The following RBFOX1 variants were observed in gnomAD, a reference collection of about 807,000 sequenced individuals.
The protein encoded by RBFOX1 is RNA binding protein fox-1 homolog 1.
RBFOX1 carries 8 observed loss-of-function variants against 57.7 expected under a neutral mutation model. That is an observed-to-expected ratio of 0.14 (90% CI 0.08 to 0.25). The LOEUF is 0.25. RBFOX1 is among the 10% of genes least tolerant of loss of function. RBFOX1 has a pLI of 1.00. For missense variants in RBFOX1, 611 were observed against 548.5 expected, an observed-to-expected ratio of 1.11 and a Z score of -1.14; for synonymous variants, 326 against 222.4, an observed-to-expected ratio of 1.47 and a Z score of -4.15.
chr16:7,666,649 CGA>C (rs1228251128), intron 13 of RBFOX1, among the ~76,000 whole-genome samples: 1 of 151,978 alleles, frequency 6.6e-6, no homozygotes, highest in East Asian at 1.9e-4. Context: ...TAAGTGAGTG[CGA>C]GTGTGTGTCT....
At chr16:7,424,500 T>C (rs1226466082) in intron 4 of RBFOX1, among the ~76,000 whole-genome samples, 3 of 152,170 alleles carry the variant, frequency 2.0e-5, no homozygotes, top group Admixed American at 2.0e-4. Flanking sequence ...CCTCATGTGA[T>C]CCACCCACCT....
chr16:5,773,525 C>T (rs1049623719), intron 3 of RBFOX1, among the ~76,000 whole-genome samples: 6 of 152,140 alleles, frequency 3.9e-5, no homozygotes, highest in Non-Finnish European at 7.4e-5. Flanking sequence ...ACTGCAGTTG[C>T]TATATTAGTT....
At chr16:6,539,424 A>G (rs144563905) in intron 2 of RBFOX1, among the ~76,000 whole-genome samples, 15 of 152,266 alleles carry the variant, frequency 9.9e-5, no homozygotes, top group African/African-American at 3.4e-4. Context: ...CTGTTATTGT[A>G]TTATTATCAT....
chr16:5,981,589 C>G (rs765360784), intron 4 of RBFOX1, among the ~76,000 whole-genome samples: 9 of 152,130 alleles, frequency 5.9e-5, no homozygotes, highest in Non-Finnish European at 8.8e-5. Context: ...CTGCTTCAGC[C>G]TCATGAGTAG....
intron 15 of RBFOX1, 124 bp from the exon 16 acceptor site, chr16:7,710,499 G>T (rs999270794): frequency 6.4e-7 from 1 of 1,558,756 alleles, no homozygotes. Context: ...GACCTGGGAT[G>T]GGTAGGGGGT....
At position 7,447,984 on chromosome 16, in the gene RBFOX1, A is replaced by T. The variant is rs540158651; in HGVS notation, c.28-70163A>T. On this transcript the variant is annotated intron_variant, in intron 4 of 15. Coordinates refer to ENST00000550418, the MANE Select transcript of RBFOX1 (RefSeq NM_018723.4). The stretch of plus-strand genomic sequence containing the variant: ...CTGAATCAGGATCTCTGGGGTTGGG[A>T]TGTAGGGATTTCCACTCTTTAGAAA... 8.5e-5 allele frequency among the ~76,000 whole-genome samples: 13 copies of T among 152,266 alleles called. No homozygotes were observed. The East Asian group carries it at 2.3e-3, about 27-fold the overall frequency.
intron 2 of RBFOX1, among the ~76,000 whole-genome samples, chr16:6,603,032 G>C (rs1042375217): frequency 1.3e-5 from 2 of 152,142 alleles, no homozygotes; most frequent in East Asian, 1.9e-4. Flanking sequence ...ATTTATTTCA[G>C]TAAGTATTTA....
At chr16:5,283,941 G>A (rs1208626069) in intron 1 of RBFOX1, among the ~76,000 whole-genome samples, 1 of 152,078 alleles carries the variant, frequency 6.6e-6, no homozygotes, top group Non-Finnish European at 1.5e-5. Context: ...AGAATGATAT[G>A]GTTTGGCTGT....
At position 5,553,762 on chromosome 16, in the gene RBFOX1, T is replaced by C. The variant is rs559686143; in HGVS notation, c.259-45140T>C. ...ATATGTGTGTATTTATGTATATACA[T>C]GTGAAACCTCATACCACAATATTGA... On this transcript the variant is annotated intron_variant, in intron 2 of 2. Coordinates refer to the RBFOX1 transcript ENST00000585867. Among the ~76,000 whole-genome samples, 16 of 151,634 alleles carry C rather than the reference T, an allele frequency of 1.1e-4. No individual in the cohort carries two copies. The South Asian group carries it at 3.1e-3, about 30-fold the overall frequency.
intron 1 of RBFOX1, chr16:5,366,780 G>A (rs1424224679): frequency 7.2e-6 from 2 of 276,288 alleles, no homozygotes; most frequent in Non-Finnish European, 7.0e-6. Flanking sequence ...GTAATGCAGA[G>A]TGATAAATTT....
chr16:7,358,418 T>C (rs2097258432), intron 4 of RBFOX1, among the ~76,000 whole-genome samples: 1 of 152,032 alleles, frequency 6.6e-6, no homozygotes, highest in South Asian at 2.1e-4. Context: ...GTTTTTTGTT[T>C]TTTGTTTTTT....
intron 3 of RBFOX1, among the ~76,000 whole-genome samples, chr16:6,932,958 C>G (rs1463722526): frequency 6.6e-6 from 1 of 152,196 alleles, no homozygotes; most frequent in South Asian, 2.1e-4. Context: ...ATGAACTTGA[C>G]TGCTCTAGTA....
In RBFOX1 at chr16:6,921,641, A is replaced by T. The variant is rs200460860; in HGVS notation, c.-15-130416A>T. On this transcript the variant is annotated intron_variant, in intron 3 of 15. Coordinates refer to ENST00000550418, the MANE Select transcript of RBFOX1 (RefSeq NM_018723.4). ...TAAATTACTGTATATATATATATAT[A>T]TATATTTTTTTTTTTCTTAGGGTTG... Among the ~76,000 whole-genome samples the T allele has an allele frequency of 3.3e-3, 294 of 88,770 alleles. 1 individual carries two copies. In the South Asian group the frequency reaches 0.036, roughly 11 times the overall value. The allele number at this position is 88,770 out of a possible 152,430, so 58.2% of individuals were successfully genotyped here. A position where few individuals can be genotyped will look rare whatever the true frequency, so the allele number is the denominator to read the frequency against.
At chr16:5,304,316 A>T (rs1173617827) in intron 1 of RBFOX1, among the ~76,000 whole-genome samples, 1 of 152,234 alleles carries the variant, frequency 6.6e-6, no homozygotes, top group African/African-American at 2.4e-5. Context: ...ACATTAAATC[A>T]GGAGGCTCCT....
intron 1 of RBFOX1, among the ~76,000 whole-genome samples, chr16:5,407,478 C>T (rs924139717): frequency 9.9e-5 from 15 of 152,092 alleles, no homozygotes; most frequent in East Asian, 3.9e-4. Context: ...GGCTTGTGGA[C>T]GGAGTGTGGA....
chr16:6,152,368 T>A (rs2096803730), intron 1 of RBFOX1, among the ~76,000 whole-genome samples: 1 of 152,136 alleles, frequency 6.6e-6, no homozygotes, highest in Non-Finnish European at 1.5e-5. Context: ...GCTGTTTGCT[T>A]CATCCAAATA....
At chr16:5,364,973 G>A (rs987311589) in intron 1 of RBFOX1, among the ~76,000 whole-genome samples, 7 of 152,168 alleles carry the variant, frequency 4.6e-5, no homozygotes, top group East Asian at 3.9e-4. Context: ...GCCTTGTCTC[G>A]GTTGCAGTGG....
rs191657412 is a variant in RBFOX1 at position 7,456,720 on chromosome 16, G to A, written c.28-61427G>A. On this transcript the variant is annotated intron_variant, in intron 4 of 15. Transcript: ENST00000550418. ...ACCTTCCTGAGCTTGATGGGTGCCC[G>A]TAGAATCGCCACCTATGGCTGTGCT... is the stretch of plus-strand genomic sequence containing the variant. Among the ~76,000 whole-genome samples the A allele has an allele frequency of 1.4e-4, 21 of 152,150 alleles. No individual in the cohort carries two copies. In the East Asian group the frequency reaches 1.6e-3, roughly 11 times the overall value.
chr16:7,054,406 AT>A (rs1029418900), intron 4 of RBFOX1, among the ~76,000 whole-genome samples: 2 of 150,790 alleles, frequency 1.3e-5, no homozygotes, highest in African/African-American at 2.4e-5. Flanking sequence ...CGCCCAGCTA[AT>A]TTTTTTTGTA....
Sources: allele counts gnomAD v4.1 joint callset (sites outside exome capture counted in the v4.1 genomes callset), GRCh38; gene constraint gnomAD v4.1.1; transcripts MANE v1.5; gene names NCBI Gene and HGNC (gene_info 2026-07-23, HGNC 2026-07-21).